DYM: variants seen among roughly 807,000 people sequenced by gnomAD.
DYM encodes the protein dymeclin.
In DYM, 78 loss-of-function variants were observed where a neutral mutation model predicts 93.1. That is an observed-to-expected ratio of 0.84 (90% CI 0.70 to 1.01). The LOEUF (loss-of-function observed/expected upper bound fraction) is 1.01. Ranked by LOEUF, DYM falls within the 50% of genes least tolerant of loss-of-function variation. The probability of loss-of-function intolerance (pLI) is 0.00; values close to 1 mark genes in which losing one functional copy is unlikely to be tolerated. For synonymous variants in DYM, 321 were observed against 319.7 expected, an observed-to-expected ratio of 1.00 and a Z score of -0.04; for missense variants, 789 against 845.0, an observed-to-expected ratio of 0.93 and a Z score of 0.82.
At chr18:49,243,620 T>C (rs1275216546) in intron 13 of DYM, among the ~76,000 whole-genome samples, 1 of 141,264 alleles carries the variant, frequency 7.1e-6, no homozygotes, top group Non-Finnish European at 1.5e-5. Flanking sequence ...AGCTGAGAGA[T>C]CATGCCACTG....
At chr18:49,117,865 T>C (rs975324812) in intron 16 of DYM, among the ~76,000 whole-genome samples, 1 of 152,116 alleles carries the variant, frequency 6.6e-6, no homozygotes, top group Non-Finnish European at 1.5e-5. Context: ...ACATATATTA[T>C]AGTAGCTTTA....
chr18:49,240,369 T>C (rs1189570485), intron 13 of DYM, among the ~76,000 whole-genome samples: 1 of 152,152 alleles, frequency 6.6e-6, no homozygotes, highest in African/African-American at 2.4e-5. Context: ...GAGAAAATAT[T>C]AAATATTTAC....
At chr18:49,268,194 T>C (rs770246617) in intron 11 of DYM, among the ~76,000 whole-genome samples, 8 of 152,170 alleles carry the variant, frequency 5.3e-5, no homozygotes, top group Non-Finnish European at 1.2e-4. Context: ...ATATATATCA[T>C]AGGCAATTAG....
chr18:49,238,935 C>T (rs2093952306), intron 13 of DYM, among the ~76,000 whole-genome samples: 1 of 152,196 alleles, frequency 6.6e-6, no homozygotes, highest in South Asian at 2.1e-4. Flanking sequence ...TGCCCCTCAG[C>T]CTCTCTTGTA....
chr18:49,063,210 A>T (rs912601053), intron 17 of DYM, among the ~76,000 whole-genome samples: 2 of 152,026 alleles, frequency 1.3e-5, no homozygotes, highest in Non-Finnish European at 2.9e-5. Flanking sequence ...AATTTCCCAC[A>T]CCTGACACAG....
intron 8 of DYM, among the ~76,000 whole-genome samples, chr18:49,300,248 CTTAACG>C (rs1273954465): frequency 6.6e-6 from 1 of 151,326 alleles, no homozygotes; most frequent in African/African-American, 2.4e-5. Context: ...AAATAATAAA[CTTAACG>C]TTAACAATAT....
chr18:49,331,793 C>T lies in DYM; in HGVS notation c.763+71G>A, dbSNP rs2063323052. 7.7e-6 allele frequency: 12 copies of T among 1,568,522 alleles called. No homozygotes were observed. The East Asian group carries it at 1.1e-4, about 15-fold the overall frequency. On this transcript the variant is annotated intron_variant, in intron 8 of 17. Coordinates refer to ENST00000675505, the MANE Select transcript of DYM (RefSeq NM_001353214.3). ...CTATTAATGGTGGCAGCCAAGCAAACAGAATTTCTTATGCCTAAATAGATA... is the reference window on the plus strand; with the variant it reads ...CTATTAATGGTGGCAGCCAAGCAAATAGAATTTCTTATGCCTAAATAGATA...
Position 49,253,307 on chromosome 18 carries a change from G to A in DYM, c.1460+3703C>T, listed in dbSNP as rs1334589766. On this transcript the variant is annotated intron_variant, in intron 13 of 17. Transcript: ENST00000675505. ...CTGGTGAATTCTGAGTTGTACTGCT[G>A]TAATAACCCTTCTGGGTATCTAAAC... Among the ~76,000 whole-genome samples the A allele has an allele frequency of 2.0e-5, 3 of 152,152 alleles. No individual in the cohort carries two copies. In the East Asian group the frequency reaches 5.8e-4, roughly 29 times the overall value.
intron 13 of DYM, among the ~76,000 whole-genome samples, chr18:49,249,393 G>A (rs1369209015): frequency 1.3e-5 from 2 of 152,084 alleles, no homozygotes; most frequent in Non-Finnish European, 2.9e-5. Flanking sequence ...GTGTGTGTGT[G>A]TAATATAAAT....
intron 8 of DYM, among the ~76,000 whole-genome samples, chr18:49,311,280 T>C (rs2061571065): frequency 7.5e-6 from 1 of 133,806 alleles, no homozygotes; most frequent in African/African-American, 2.8e-5. Flanking sequence ...CTGAGGGCTT[T>C]ACAATCTTAT....
Position 49,424,432 on chromosome 18 carries a change from AC to A in DYM, c.140+5822del, listed in dbSNP as rs560683972. 3.3e-5 allele frequency among the ~76,000 whole-genome samples: 5 copies of A among 152,050 alleles called. No individual in the cohort carries two copies. The East Asian group carries it at 9.7e-4, about 29-fold the overall frequency. ...AAGAGCTATTTATGACAAACCCTCC[AC>A]CAATATTGTACTGACTGGCAAAAAC... On this transcript the variant is annotated intron_variant, in intron 2 of 17. Transcript: ENST00000675505.
chr18:49,279,530 C>T (rs1407604934), intron 10 of DYM, among the ~76,000 whole-genome samples: 1 of 152,116 alleles, frequency 6.6e-6, no homozygotes, highest in Non-Finnish European at 1.5e-5. Flanking sequence ...TAAACAAACA[C>T]CACCCTCCAA....
In DYM at chr18:49,039,829, G is replaced by C. The variant is rs879734684; in HGVS notation, c.*4226C>G. On this transcript the variant is annotated 3_prime_UTR_variant, in exon 18 of 18. Transcript: ENST00000675505. ...AGTAACCATAGCTGTTTTAAATTCT[G>C]CGACAACTTTATCTGGAGTCTGTTT... Among the ~76,000 whole-genome samples the C allele has an allele frequency of 4.6e-5, 7 of 152,278 alleles. No homozygotes were observed. Among genetic ancestry groups the C allele is most frequent in the Admixed American group, 1.3e-4 (2 of 15,302 alleles).
chr18:49,130,848 G>A (rs2083316754), intron 15 of DYM, among the ~76,000 whole-genome samples: 1 of 152,146 alleles, frequency 6.6e-6, no homozygotes, highest in Non-Finnish European at 1.5e-5. Flanking sequence ...CTTGGAATAG[G>A]GTTGGGGGTT....
intron 15 of DYM, among the ~76,000 whole-genome samples, chr18:49,161,623 C>T (rs948472323): frequency 2.6e-5 from 4 of 152,082 alleles, no homozygotes; most frequent in South Asian, 2.1e-4. Context: ...TAGAATTAAG[C>T]GAGCTGTTAT....
chr18:49,310,906 T>C (rs2146347445), intron 8 of DYM, among the ~76,000 whole-genome samples: 1 of 152,264 alleles, frequency 6.6e-6, no homozygotes, highest in African/African-American at 2.4e-5. Context: ...TACAAAGAAA[T>C]GGGTAAAAAT....
At chr18:49,269,614 A>T (rs77482389) in intron 11 of DYM, among the ~76,000 whole-genome samples, 12,202 of 152,164 alleles carry the variant, frequency 0.08, 777 homozygotes, top group East Asian at 0.31. Flanking sequence ...GCCACATAAC[A>T]ATGTTTTGGT....
At chr18:49,257,439 C>T (rs2094410684) in intron 12 of DYM, among the ~76,000 whole-genome samples, 1 of 152,156 alleles carries the variant, frequency 6.6e-6, no homozygotes, top group Non-Finnish European at 1.5e-5. Flanking sequence ...CTATAATTAT[C>T]TTTCTAAAAT....
chr18:49,310,637 TAC>T (rs2061535181), intron 8 of DYM, among the ~76,000 whole-genome samples: 2 of 152,214 alleles, frequency 1.3e-5, no homozygotes, highest in African/African-American at 4.8e-5. Flanking sequence ...ATTTTCCAAA[TAC>T]AGAGTATATA....
Sources: gnomAD v4.1 joint callset for allele counts (sites outside exome capture counted in the v4.1 genomes callset) on GRCh38, gnomAD v4.1.1 for gene constraint, MANE v1.5 for transcripts, NCBI Gene and HGNC (gene_info 2026-07-23, HGNC 2026-07-21) for gene names.